The following DCC variants were observed in gnomAD, a reference collection of about 807,000 sequenced individuals.
DCC encodes DCC netrin 1 receptor, also known as netrin receptor DCC.
Under a neutral mutation model 172.5 loss-of-function variants are expected in DCC, and 58 were observed. That is an observed-to-expected ratio of 0.34 (90% CI 0.27 to 0.42). The LOEUF (loss-of-function observed/expected upper bound fraction) is 0.42. Among genes scored for constraint, DCC ranks in the 10% least tolerant of loss-of-function variants. The probability of loss-of-function intolerance (pLI) is 1.00; values close to 1 mark genes in which losing one functional copy is unlikely to be tolerated. For missense variants in DCC, 1,740 were observed against 1,791.0 expected, an observed-to-expected ratio of 0.97 and a Z score of 0.51; for synonymous variants, 709 against 644.5, an observed-to-expected ratio of 1.10 and a Z score of -1.52.
At chr18:52,999,868 T>G (rs897703830) in intron 5 of DCC, among the ~76,000 whole-genome samples, 1 of 152,066 alleles carries the variant, frequency 6.6e-6, no homozygotes, top group African/African-American at 2.4e-5. Context: ...CTTACAGATT[T>G]TATTAGTTAA....
chr18:52,854,444 C>T (rs1440292511), intron 2 of DCC, among the ~76,000 whole-genome samples: 1 of 152,060 alleles, frequency 6.6e-6, no homozygotes. Flanking sequence ...AAGAGTAAAC[C>T]TACCTTAAAG....
At chr18:53,496,417 A>G (rs974502148) in intron 26 of DCC, among the ~76,000 whole-genome samples, 1 of 152,254 alleles carries the variant, frequency 6.6e-6, no homozygotes, top group East Asian at 1.9e-4. Flanking sequence ...ATCAACATCA[A>G]CAAAAAGGAT....
intron 1 of DCC, among the ~76,000 whole-genome samples, chr18:52,526,235 T>C (rs2031975458): frequency 1.3e-5 from 2 of 151,304 alleles, no homozygotes; most frequent in Admixed American, 1.3e-4. Context: ...GAAGGGAGAG[T>C]GTGTGTCAGA....
intron 13 of DCC, among the ~76,000 whole-genome samples, chr18:53,319,520 T>C (rs1239360633): frequency 6.6e-6 from 1 of 152,242 alleles, no homozygotes. Context: ...AATTGCTTTC[T>C]AATGATAACT....
intron 7 of DCC, among the ~76,000 whole-genome samples, chr18:53,087,964 C>T (rs1406955352): frequency 1.3e-5 from 2 of 151,980 alleles, no homozygotes; most frequent in Non-Finnish European, 2.9e-5. Context: ...TGATCTATAT[C>T]TCTGTTTTGG....
At chr18:52,536,994 G>T (rs1336469238) in intron 1 of DCC, among the ~76,000 whole-genome samples, 2 of 152,140 alleles carry the variant, frequency 1.3e-5, no homozygotes, top group African/African-American at 4.8e-5. Flanking sequence ...CATCCTTAAA[G>T]AAATAGAAAA....
chr18:53,286,750 T>C (rs151320796), intron 12 of DCC, among the ~76,000 whole-genome samples: 135 of 152,338 alleles, frequency 8.9e-4, no homozygotes, highest in African/African-American at 3.2e-3. Context: ...ATAGCCATGA[T>C]GAAGGAAAAC....
At chr18:53,278,127 A>C (rs2144721325) in intron 12 of DCC, among the ~76,000 whole-genome samples, 1 of 152,304 alleles carries the variant, frequency 6.6e-6, no homozygotes, top group African/African-American at 2.4e-5. Flanking sequence ...ATATGACACA[A>C]TAACTAAACT....
At chr18:53,516,059 G>C (rs1025170699) in intron 27 of DCC, among the ~76,000 whole-genome samples, 1 of 146,054 alleles carries the variant, frequency 6.8e-6, no homozygotes. Context: ...ATACTACAAG[G>C]CTACAGTAAC....
intron 1 of DCC, among the ~76,000 whole-genome samples, chr18:52,710,164 C>T (rs60949334): frequency 6.6e-6 from 1 of 152,120 alleles, no homozygotes; most frequent in African/African-American, 2.4e-5. Flanking sequence ...GCATTTTTAA[C>T]TGAAAAAATG....
In DCC at chr18:52,937,329, G is replaced by A. The variant is rs1258969560; in HGVS notation, c.985+11959G>A. Reference sequence around the variant, plus strand: ...ATTAGGTTGGTGCAAAAGTAATTGTGGTTTTTGCCCTTAAAAGCAATGGCA... The same window carrying A: ...ATTAGGTTGGTGCAAAAGTAATTGTAGTTTTTGCCCTTAAAAGCAATGGCA... On this transcript the variant is annotated intron_variant, in intron 5 of 28. Coordinates refer to ENST00000442544, the MANE Select transcript of DCC (RefSeq NM_005215.4). Among the ~76,000 whole-genome samples the A allele has an allele frequency of 2.0e-5, 3 of 152,156 alleles. No homozygotes were observed. The South Asian group carries it at 6.2e-4, about 32-fold the overall frequency.
intron 12 of DCC, among the ~76,000 whole-genome samples, chr18:53,216,735 T>G (rs1327271098): frequency 6.6e-6 from 1 of 152,172 alleles, no homozygotes; most frequent in African/African-American, 2.4e-5. Context: ...CATTATTCTC[T>G]TATACTTTTA....
chr18:52,594,061 C>T (rs906621244), intron 1 of DCC, among the ~76,000 whole-genome samples: 25 of 152,270 alleles, frequency 1.6e-4, no homozygotes, highest in African/African-American at 4.8e-4. Context: ...GGAAGGAGAA[C>T]CCAAAGGGGC....
chr18:53,000,595 T>C (rs1403839766), intron 5 of DCC, among the ~76,000 whole-genome samples: 6 of 148,196 alleles, frequency 4.0e-5, no homozygotes, highest in African/African-American at 1.2e-4. Context: ...CTTTTTTTTT[T>C]TTTTTTTTTT....
intron 1 of DCC, among the ~76,000 whole-genome samples, chr18:52,553,795 G>C (rs1318253926): frequency 6.6e-6 from 1 of 152,000 alleles, no homozygotes; most frequent in Admixed American, 6.6e-5. Context: ...GACCAGATGT[G>C]AAAGCCATTT....
intron 12 of DCC, among the ~76,000 whole-genome samples, chr18:53,241,177 A>T (rs1164795998): frequency 2.0e-5 from 3 of 152,014 alleles, no homozygotes; most frequent in Admixed American, 6.6e-5. Flanking sequence ...GTGAAGTCTA[A>T]AGGTGGGGCT....
At chr18:52,997,700 G>T (rs531486291) in intron 5 of DCC, among the ~76,000 whole-genome samples, 56 of 152,208 alleles carry the variant, frequency 3.7e-4, no homozygotes, top group African/African-American at 1.2e-3. Context: ...ACATAGAAGT[G>T]CCTTGAAAAC....
At chr18:53,169,113 C>T (rs2054971379) in intron 8 of DCC, among the ~76,000 whole-genome samples, 1 of 152,156 alleles carries the variant, frequency 6.6e-6, no homozygotes, top group Non-Finnish European at 1.5e-5. Context: ...ATGTAAATTG[C>T]ACAATGGTGC....
chr18:53,426,504 G>C (rs1011247199), intron 21 of DCC, among the ~76,000 whole-genome samples: 5 of 146,228 alleles, frequency 3.4e-5, no homozygotes, highest in African/African-American at 1.3e-4. Flanking sequence ...TCCCCCACTG[G>C]TTGGCCTGGC....
Sources: gnomAD v4.1 joint callset for allele counts (sites outside exome capture counted in the v4.1 genomes callset) on GRCh38, gnomAD v4.1.1 for gene constraint, MANE v1.5 for transcripts, NCBI Gene and HGNC (gene_info 2026-07-23, HGNC 2026-07-21) for gene names.